Variants in STK32B observed in about 807,000 individuals in gnomAD.
STK32B encodes the protein serine/threonine-protein kinase 32B.
In STK32B, 43 loss-of-function variants were observed where a neutral mutation model predicts 52.6. The ratio of observed to expected loss-of-function variants is 0.82; its 90% CI spans 0.64 to 1.05. The LOEUF is 1.05. Among genes scored for constraint, STK32B ranks in the 50% least tolerant of loss-of-function variants. STK32B has a pLI of 0.00. For missense variants in STK32B, 621 were observed against 534.6 expected, an observed-to-expected ratio of 1.16 and a Z score of -1.59; for synonymous variants, 238 against 204.3, an observed-to-expected ratio of 1.17 and a Z score of -1.41.
chr4:5,122,024 CCATTCACTCACTCATT>C (rs1367540138), intron 1 of STK32B, among the ~76,000 whole-genome samples: 3 of 152,208 alleles, frequency 2.0e-5, no homozygotes, highest in African/African-American at 7.2e-5. Context: ...CAGTGTCCAC[CCATTCACTCACTCATT>C]CATTCACTCG....
At chr4:5,125,639 T>C (rs922007388) in intron 1 of STK32B, among the ~76,000 whole-genome samples, 6 of 152,220 alleles carry the variant, frequency 3.9e-5, no homozygotes, top group African/African-American at 1.4e-4. Flanking sequence ...AATGCATATG[T>C]CTGGGCTCCA....
In STK32B at chr4:5,499,418, C is replaced by T. The variant is rs368482771; in HGVS notation, c.*335C>T. On this transcript the variant is annotated 3_prime_UTR_variant, in exon 12 of 12. Coordinates refer to ENST00000282908, the MANE Select transcript of STK32B (RefSeq NM_018401.3). ...TTTGATATTTATAAAATCATTTTTA[C>T]GTGCAAAATATAACCTTAATATTTG... The T allele has an allele frequency of 7.7e-5, 20 of 261,054 alleles. No homozygotes were observed. Among genetic ancestry groups the T allele is most frequent in the Middle Eastern group, 1.1e-3 (1 of 880 alleles). The allele number at this position is 261,054 out of a possible 1,614,324, so 16.2% of individuals were successfully genotyped here.
chr4:5,038,864 CCTTAA>C, the STK32B span, among the ~76,000 whole-genome samples: 8 of 152,108 alleles, frequency 5.3e-5, no homozygotes, highest in Middle Eastern at 3.4e-3. Flanking sequence ...AATAAATTAG[CCTTAA>C]CTTACTATAA....
chr4:5,360,534 A>G (rs1403143878), intron 4 of STK32B, among the ~76,000 whole-genome samples: 1 of 152,084 alleles, frequency 6.6e-6, no homozygotes, highest in Admixed American at 6.6e-5. Flanking sequence ...GTTGTCTGAT[A>G]ATTGGAGATG....
chr4:5,205,515 G>T (rs1722496935), intron 3 of STK32B, among the ~76,000 whole-genome samples: 1 of 152,090 alleles, frequency 6.6e-6, no homozygotes, highest in South Asian at 2.1e-4. Flanking sequence ...CAGCGCTGTG[G>T]GTGTGTGGAG....
chr4:5,072,549 A>C (rs1000123238), intron 1 of STK32B, among the ~76,000 whole-genome samples: 1 of 152,148 alleles, frequency 6.6e-6, no homozygotes, highest in African/African-American at 2.4e-5. Flanking sequence ...TGAGAAATCT[A>C]GAACAGGAAT....
intron 4 of STK32B, among the ~76,000 whole-genome samples, chr4:5,365,135 C>A (rs534858949): frequency 6.6e-5 from 10 of 152,282 alleles, no homozygotes; most frequent in Admixed American, 6.5e-5. Context: ...CTCGGCCCCC[C>A]CAAAGTGCTG....
intron 1 of STK32B, among the ~76,000 whole-genome samples, chr4:5,120,128 T>C (rs1714945122): frequency 6.6e-6 from 1 of 152,186 alleles, no homozygotes; most frequent in South Asian, 2.1e-4. Context: ...GAATCTCCCT[T>C]TGTCCAGTGG....
At chr4:5,103,575 G>T (rs1230411812) in intron 1 of STK32B, among the ~76,000 whole-genome samples, 1 of 152,080 alleles carries the variant, frequency 6.6e-6, no homozygotes. Context: ...ATTGTTGTTT[G>T]GGTTTCCTTG....
intron 4 of STK32B, among the ~76,000 whole-genome samples, chr4:5,339,892 G>C (rs1295872534): frequency 2.6e-5 from 4 of 152,112 alleles, no homozygotes; most frequent in African/African-American, 7.2e-5. Flanking sequence ...CTCTGTCTGG[G>C]GGAACTGGCC....
intron 1 of STK32B, among the ~76,000 whole-genome samples, chr4:5,110,272 C>CAAAAAAAAAAAAAAAAAAAAAAA: frequency 9.4e-6 from 1 of 106,722 alleles, no homozygotes; most frequent in Non-Finnish European, 1.9e-5. Context: ...CATATGGAAC[C>CAAAAAAAAAAAAAAAAAAAAAAA]AAAAAAAAAA....
At chr4:5,260,226 T>C (rs1468591602) in intron 3 of STK32B, among the ~76,000 whole-genome samples, 1 of 152,182 alleles carries the variant, frequency 6.6e-6, no homozygotes, top group Non-Finnish European at 1.5e-5. Context: ...TTTCCCAACA[T>C]TGCAAATTAG....
At chr4:5,247,949 A>T (rs1725583566) in intron 3 of STK32B, among the ~76,000 whole-genome samples, 1 of 152,098 alleles carries the variant, frequency 6.6e-6, no homozygotes, top group Non-Finnish European at 1.5e-5. Context: ...ATTAAAACAC[A>T]TGCCTCTTTT....
chr4:5,320,970 A>C (rs7666237), intron 3 of STK32B, among the ~76,000 whole-genome samples: 48,773 of 152,028 alleles, frequency 0.32, 12,625 homozygotes, highest in African/African-American at 0.72. Flanking sequence ...ATGCATGTAT[A>C]CTGAATGATG....
chr4:5,415,214 T>A (rs1712057987), intron 5 of STK32B, among the ~76,000 whole-genome samples: 1 of 152,210 alleles, frequency 6.6e-6, no homozygotes. Context: ...CTTCTCTACT[T>A]TCTGCATGTC....
chr4:5,374,607 T>C (rs774375755), intron 4 of STK32B, among the ~76,000 whole-genome samples: 72 of 152,202 alleles, frequency 4.7e-4, no homozygotes, highest in Non-Finnish European at 9.0e-4. Context: ...AAGATGCTTC[T>C]GTATGTCCTT....
At chr4:5,144,308 T>A (rs749404745) in intron 2 of STK32B, among the ~76,000 whole-genome samples, 1 of 152,068 alleles carries the variant, frequency 6.6e-6, no homozygotes, top group Non-Finnish European at 1.5e-5. Context: ...TTGTGAGAGG[T>A]TAATGAGATG....
Position 5,469,403 on chromosome 4 carries a change from C to A in STK32B, c.1106+1333C>A, listed in dbSNP as rs1230100236. On this transcript the variant is annotated intron_variant, in intron 11 of 11. Coordinates refer to ENST00000282908, the MANE Select transcript of STK32B (RefSeq NM_018401.3). This position sits in a 1 kb window ranked among gnomAD's most constrained non-coding sequence, Gnocchi z 4.7. ...GTGGTTGGGGAAGTTCTCTAGGTGG[C>A]GTGCTGGGCCAAGTCCTAAGGGACA... Among the ~76,000 whole-genome samples the A allele has an allele frequency of 6.6e-6, 1 of 152,182 alleles. No homozygotes were observed. Among genetic ancestry groups the A allele is most frequent in the East Asian group, 1.9e-4 (1 of 5,194 alleles).
intron 3 of STK32B, among the ~76,000 whole-genome samples, chr4:5,283,376 A>G (rs1728334637): frequency 6.6e-6 from 1 of 152,190 alleles, no homozygotes; most frequent in South Asian, 2.1e-4. Context: ...CACCATCAAG[A>G]TGTTCCTGAA....
Sources: gnomAD v4.1 joint callset for allele counts (sites outside exome capture counted in the v4.1 genomes callset) on GRCh38, gnomAD v4.1.1 for gene constraint, Gnocchi (gnomAD v3.1) non-coding constraint, MANE v1.5 for transcripts, NCBI Gene and HGNC (gene_info 2026-07-23, HGNC 2026-07-21) for gene names.